The following CAPZB variants were observed in gnomAD, a reference collection of about 807,000 sequenced individuals.
CAPZB encodes capping actin protein of muscle Z-line subunit beta, also known as F-actin-capping protein subunit beta.
A neutral mutation model predicts 38.1 loss-of-function variants in CAPZB; 2 were observed. That is an observed-to-expected ratio of 0.05 (90% confidence interval 0.02 to 0.17). CAPZB has a LOEUF of 0.17. Ranked by LOEUF, CAPZB falls within the 10% of genes least tolerant of loss-of-function variation. CAPZB has a pLI of 1.00. For synonymous variants in CAPZB, 107 were observed against 127.4 expected (o/e 0.84, Z 1.08); for missense variants, 161 against 334.2 (o/e 0.48, Z 4.04).
chr1:19,386,016 GAACTCGGAGTAGAAA>G (rs1406606388), intron 2 of CAPZB, among the ~76,000 whole-genome samples: 12 of 152,334 alleles, frequency 7.9e-5, no homozygotes, highest in Admixed American at 7.2e-4. Flanking sequence ...GGAATCTAAA[GAACTCGGAGTAGAAA>G]AACTCGTCCG....
chr1:19,437,438 A>G (rs548971619), intron 1 of CAPZB, among the ~76,000 whole-genome samples: 14 of 152,158 alleles, frequency 9.2e-5, no homozygotes, highest in South Asian at 2.1e-4. Flanking sequence ...ACCTTCCCAA[A>G]TAAGTGTTTG....
At position 19,429,598 on chromosome 1, in the gene CAPZB, C is replaced by T. The variant is rs564261920; in HGVS notation, c.4-9848G>A. On this transcript the variant is annotated intron_variant, in intron 1 of 8. Transcript: ENST00000264202. ...TACCACGTCTGGGCCATAAGGGCAC[C>T]GCCCACAGAGCATCCTCCATAAAGG... Among the ~76,000 whole-genome samples the T allele has an allele frequency of 1.7e-3, 264 of 152,206 alleles. 5 individuals carry two copies. The highest frequency in any genetic ancestry group is 3.2e-3 in the Admixed American group (49 of 15,300).
chr1:19,353,346 T>G (rs75840289), intron 6 of CAPZB, among the ~76,000 whole-genome samples: 3 of 152,252 alleles, frequency 2.0e-5, no homozygotes, highest in African/African-American at 7.2e-5. Context: ...CAGGCCCAGG[T>G]TGCTGTAAGG....
intron 4 of CAPZB, among the ~76,000 whole-genome samples, chr1:19,360,747 G>A (rs2094048619): frequency 6.6e-6 from 1 of 152,330 alleles, no homozygotes; most frequent in East Asian, 1.9e-4. Context: ...CCCACCCTGT[G>A]GCCTGGCTCC....
chr1:19,446,205 C>T (rs897591001), intron 1 of CAPZB, among the ~76,000 whole-genome samples: 2 of 152,194 alleles, frequency 1.3e-5, no homozygotes, highest in East Asian at 3.8e-4. Context: ...CAGCACTGGC[C>T]GGGGTGTCCA....
intron 1 of CAPZB, among the ~76,000 whole-genome samples, chr1:19,431,716 G>A (rs903817319): frequency 1.0e-4 from 15 of 149,298 alleles, no homozygotes; most frequent in African/African-American, 2.5e-4. Flanking sequence ...GTGAGACTCC[G>A]TCTCAAAAAA....
intron 8 of CAPZB, among the ~76,000 whole-genome samples, chr1:19,343,143 C>A (rs1443008917): frequency 2.0e-5 from 3 of 152,146 alleles, no homozygotes; most frequent in African/African-American, 7.2e-5. Context: ...GTTGGCTGGG[C>A]GGGAAAGTGT....
intron 1 of CAPZB, among the ~76,000 whole-genome samples, chr1:19,467,428 C>T (rs1371625158): frequency 6.6e-6 from 1 of 152,176 alleles, no homozygotes; most frequent in Non-Finnish European, 1.5e-5. Flanking sequence ...GAGGCCCCCA[C>T]AGCAGAGGAC....
At chr1:19,346,707 G>A (rs2100256173) in intron 6 of CAPZB, among the ~76,000 whole-genome samples, 1 of 152,144 alleles carries the variant, frequency 6.6e-6, no homozygotes, top group East Asian at 1.9e-4. Context: ...TGAGCAGAGG[G>A]CAGGAGAGAA....
intron 1 of CAPZB, among the ~76,000 whole-genome samples, chr1:19,466,900 AG>A (rs1558288235): frequency 6.6e-6 from 1 of 152,024 alleles, no homozygotes; most frequent in Non-Finnish European, 1.5e-5. Flanking sequence ...CTCAGGCCAA[AG>A]TTTTTTGTTT....
intron 1 of CAPZB, among the ~76,000 whole-genome samples, chr1:19,465,325 C>T (rs978698696): frequency 2.6e-5 from 4 of 152,166 alleles, no homozygotes; most frequent in Non-Finnish European, 4.4e-5. Flanking sequence ...GCCCCTTCCA[C>T]CATGTGAGGC....
intron 6 of CAPZB, among the ~76,000 whole-genome samples, chr1:19,351,089 T>C (rs2093989196): frequency 1.3e-5 from 2 of 151,194 alleles, no homozygotes; most frequent in Admixed American, 1.3e-4. Context: ...TTCAAGTGAT[T>C]CTCCTGCCTC....
rs374636744 is a variant in CAPZB at position 19,356,619 on chromosome 1, G to A, written c.588+16C>T. On this transcript the variant is annotated intron_variant, in intron 6 of 8. Coordinates refer to ENST00000264202, the MANE Select transcript of CAPZB (RefSeq NM_004930.5). This position sits in a 1 kb window ranked among gnomAD's most constrained non-coding sequence, Gnocchi z 4.3. ...CCTGTGGGCACTGGCAAGTGGCTATGAGCGGGTAACTCTACCTGTCTGGTA... is the reference window on the plus strand; with the variant it reads ...CCTGTGGGCACTGGCAAGTGGCTATAAGCGGGTAACTCTACCTGTCTGGTA... 27 of 1,569,082 alleles carry A rather than the reference G, an allele frequency of 1.7e-5. No homozygotes were observed. The highest frequency in any genetic ancestry group is 1.7e-4 in the Middle Eastern group (1 of 6,006).
At chr1:19,383,611 A>G (rs1043214011) in intron 3 of CAPZB, among the ~76,000 whole-genome samples, 1 of 152,172 alleles carries the variant, frequency 6.6e-6, no homozygotes, top group Admixed American at 6.5e-5. Flanking sequence ...CAGGCACAGA[A>G]TGAGCCCTTC....
chr1:19,401,406 A>T (rs907210301), intron 2 of CAPZB, among the ~76,000 whole-genome samples: 1 of 152,182 alleles, frequency 6.6e-6, no homozygotes, highest in African/African-American at 2.4e-5. Flanking sequence ...AGCATCGGCA[A>T]ATCTCCCCTT....
At position 19,369,957 on chromosome 1, in the gene CAPZB, C is replaced by A. The variant is rs1251982898; in HGVS notation, c.329+8583G>T. Among the ~76,000 whole-genome samples the A allele has an allele frequency of 2.6e-5, 4 of 152,214 alleles. No individual in the cohort carries two copies. The East Asian group carries it at 7.7e-4, about 29-fold the overall frequency. On this transcript the variant is annotated intron_variant, in intron 4 of 8. Transcript: ENST00000264202. Reference sequence around the variant, plus strand: ...AGAGCAAAGGAAGCAGCCCTCCACTCTAGCTGAGCTGTCAGGCCCTTCCTG... The same window carrying A: ...AGAGCAAAGGAAGCAGCCCTCCACTATAGCTGAGCTGTCAGGCCCTTCCTG...
At chr1:19,387,693 C>T (rs1161942828) in intron 2 of CAPZB, among the ~76,000 whole-genome samples, 1 of 152,196 alleles carries the variant, frequency 6.6e-6, no homozygotes, top group East Asian at 1.9e-4. Context: ...GACTCCGCTG[C>T]GTACAAGTAG....
chr1:19,412,085 A>C (rs1292459248), intron 2 of CAPZB, among the ~76,000 whole-genome samples: 1 of 152,238 alleles, frequency 6.6e-6, no homozygotes, highest in African/African-American at 2.4e-5. Context: ...CAAGGAATGG[A>C]GTTTATTAAA....
At chr1:19,395,758 C>CGGA (rs2094263826) in intron 2 of CAPZB, among the ~76,000 whole-genome samples, 1 of 152,194 alleles carries the variant, frequency 6.6e-6, no homozygotes, top group South Asian at 2.1e-4. Context: ...TCTAAGCTCC[C>CGGA]GGCTGCTTTT....
Sources: allele counts gnomAD v4.1 joint callset (sites outside exome capture counted in the v4.1 genomes callset), GRCh38; gene constraint gnomAD v4.1.1; non-coding constraint Gnocchi (gnomAD v3.1); transcripts MANE v1.5; gene names NCBI Gene and HGNC (gene_info 2026-07-23, HGNC 2026-07-21).